The following LNX1 variants were observed in gnomAD, a reference collection of about 807,000 sequenced individuals.
LNX1 encodes the protein E3 ubiquitin-protein ligase LNX.
A neutral mutation model predicts 68.4 loss-of-function variants in LNX1; 54 were observed. That is an observed-to-expected ratio of 0.79 (90% CI 0.63 to 0.99). LNX1 has a LOEUF of 0.99. Among genes scored for constraint, LNX1 ranks in the 50% least tolerant of loss-of-function variants. LNX1 has a pLI of 0.00. For missense variants in LNX1, 906 were observed against 926.4 expected, an observed-to-expected ratio of 0.98 and a Z score of 0.29; for synonymous variants, 336 against 350.0, an observed-to-expected ratio of 0.96 and a Z score of 0.45.
intron 9 of LNX1, among the ~76,000 whole-genome samples, chr4:53,469,141 T>C (rs1328385915): frequency 1.3e-5 from 2 of 152,094 alleles, no homozygotes; most frequent in African/African-American, 2.4e-5. Flanking sequence ...ACAAACTGTC[T>C]CTCAGACCAC....
chr4:53,524,037 T>A (rs1232685268), intron 2 of LNX1, among the ~76,000 whole-genome samples: 1 of 152,202 alleles, frequency 6.6e-6, no homozygotes, highest in Non-Finnish European at 1.5e-5. Flanking sequence ...AAACTTACAT[T>A]TTAGATAAGG....
At position 53,496,143 on chromosome 4, in the gene LNX1, A is replaced by G; in HGVS notation, c.1230T>C (p.Asn410=). 1.9e-6 allele frequency: 3 copies of G among 1,614,142 alleles called. No individual in the cohort carries two copies. In the South Asian group the frequency reaches 3.3e-5, roughly 18 times the overall value. ...KVDEPGVFIF[N]VLDGGVAYRH... ...GATATGCCACACCGCCATCCAGCAC[A>G]TTGAAGATGAAAACCCCAGGCTCAT... Residue 410 remains asparagine, a synonymous_variant, in exon 6 of 11, where the codon AAT becomes AAC. Coordinates refer to ENST00000263925, the MANE Select transcript of LNX1 (RefSeq NM_001126328.3).
chr4:53,605,529 C>T (rs1336609816), intron 2 of LNX1, among the ~76,000 whole-genome samples: 1 of 152,136 alleles, frequency 6.6e-6, no homozygotes, highest in Non-Finnish European at 1.5e-5. Context: ...CTTTAGATCT[C>T]TAGACTTATC....
intron 2 of LNX1, among the ~76,000 whole-genome samples, chr4:53,570,988 C>T (rs768174861): frequency 6.6e-6 from 1 of 150,768 alleles, no homozygotes; most frequent in African/African-American, 2.4e-5. Context: ...GATCGCGCCA[C>T]TGCACTCCAA....
intron 2 of LNX1, among the ~76,000 whole-genome samples, chr4:53,541,989 G>A (rs1388684821): frequency 6.6e-6 from 1 of 152,158 alleles, no homozygotes; most frequent in Non-Finnish European, 1.5e-5. Context: ...TGGCCCTGGG[G>A]AATAGAATTT....
Position 53,496,560 on chromosome 4 carries a change from T to C in LNX1, c.979-166A>G. 3 of 821,538 alleles carry C rather than the reference T, an allele frequency of 3.7e-6. No homozygotes were observed. The South Asian group carries it at 5.6e-5, about 15-fold the overall frequency. The allele number at this position is 821,538 out of a possible 1,614,324, so 50.9% of individuals were successfully genotyped here. On this transcript the variant is annotated intron_variant, in intron 5 of 10. Transcript: ENST00000263925. ...CCTTCCAACAGCGTTTCTAACCCTG[T>C]TCTCTCCAAGCGTGGCCTGCAGCAC... is the stretch of plus-strand genomic sequence containing the variant.
intron 2 of LNX1, among the ~76,000 whole-genome samples, chr4:53,615,336 G>A (rs769777564): frequency 3.9e-5 from 6 of 152,150 alleles, no homozygotes; most frequent in Admixed American, 6.5e-5. Flanking sequence ...TCTTACTCCC[G>A]TGAATCTACC....
At chr4:53,581,235 AT>A (rs2109797941) in intron 1 of LNX1, among the ~76,000 whole-genome samples, 1 of 152,296 alleles carries the variant, frequency 6.6e-6, no homozygotes, top group East Asian at 1.9e-4. Context: ...GTACATTTTT[AT>A]TTTTTAATGG....
chr4:53,570,834 T>C (rs1731107717), intron 2 of LNX1, among the ~76,000 whole-genome samples: 1 of 151,360 alleles, frequency 6.6e-6, no homozygotes, highest in Non-Finnish European at 1.5e-5. Context: ...GAGACCATCC[T>C]GGCTAACACA....
At chr4:53,584,832 C>G (rs1732065293) in intron 1 of LNX1, among the ~76,000 whole-genome samples, 2 of 152,216 alleles carry the variant, frequency 1.3e-5, no homozygotes, top group African/African-American at 4.8e-5. Flanking sequence ...GTCAGTTTTT[C>G]AAATAGCTAG....
chr4:53,530,106 G>A (rs1287159550), intron 2 of LNX1, among the ~76,000 whole-genome samples: 1 of 152,172 alleles, frequency 6.6e-6, no homozygotes, highest in Non-Finnish European at 1.5e-5. Flanking sequence ...TTACAATTAT[G>A]TAAAAATGTT....
intron 8 of LNX1, among the ~76,000 whole-genome samples, chr4:53,477,368 G>A (rs369778097): frequency 6.6e-6 from 1 of 152,170 alleles, no homozygotes; most frequent in Admixed American, 6.5e-5. Context: ...GCATTTGCAC[G>A]GAGCCAGGCA....
chr4:53,498,885 T>A, intron 4 of LNX1, 42 bp from the exon 5 acceptor site: 1 of 1,457,820 alleles, frequency 6.9e-7, no homozygotes, highest in Non-Finnish European at 9.6e-7. Context: ...ACCCACCCAA[T>A]GGACCTTTCC....
intron 2 of LNX1, among the ~76,000 whole-genome samples, chr4:53,536,608 G>A (rs1560651974): frequency 1.3e-5 from 2 of 152,168 alleles, no homozygotes; most frequent in Non-Finnish European, 2.9e-5. Context: ...CCCTGGTTTG[G>A]TGCTTCCATT....
intron 2 of LNX1, among the ~76,000 whole-genome samples, chr4:53,560,951 C>T (rs1730243303): frequency 6.6e-6 from 1 of 152,216 alleles, no homozygotes; most frequent in South Asian, 2.1e-4. Context: ...TGCCGGTAAA[C>T]AGCCCTAACT....
intron 2 of LNX1, among the ~76,000 whole-genome samples, chr4:53,544,504 T>C (rs17660061): frequency 0.42 from 64,214 of 152,064 alleles, 13,835 homozygotes; most frequent in East Asian, 0.62. Context: ...TGAGAGGTGC[T>C]GATTTCTTTT....
intron 1 of LNX1, among the ~76,000 whole-genome samples, chr4:53,579,603 G>T (rs1245452793): frequency 6.6e-6 from 1 of 152,056 alleles, no homozygotes; most frequent in East Asian, 1.9e-4. Flanking sequence ...AACCAAGAGG[G>T]TCATTCGAGA....
chr4:53,520,976 A>T (rs1350261431), intron 2 of LNX1, among the ~76,000 whole-genome samples: 1 of 152,140 alleles, frequency 6.6e-6, no homozygotes, highest in Admixed American at 6.5e-5. Flanking sequence ...AAACAAAAAA[A>T]CCCCAAATTA....
Position 53,589,552 on chromosome 4 carries a change from G to A in LNX1, c.-87+1836C>T, listed in dbSNP as rs1443728017. ...CAGTTAACACCAGGCATTGGTCGCT[G>A]GATGCTAACATATATTAGCTACCTC... is the stretch of plus-strand genomic sequence containing the variant. On this transcript the variant is annotated intron_variant, in intron 1 of 10. Coordinates refer to ENST00000263925, the MANE Select transcript of LNX1 (RefSeq NM_001126328.3). 5.9e-5 allele frequency among the ~76,000 whole-genome samples: 9 copies of A among 152,156 alleles called. No individual in the cohort carries two copies. The South Asian group carries it at 6.2e-4, about 11-fold the overall frequency.
Sources: gnomAD v4.1 joint callset for allele counts (sites outside exome capture counted in the v4.1 genomes callset) on GRCh38, gnomAD v4.1.1 for gene constraint, MANE v1.5 for transcripts, NCBI Gene and HGNC (gene_info 2026-07-23, HGNC 2026-07-21) for gene names.